Variants in KREMEN1 observed in about 807,000 individuals in gnomAD.
KREMEN1 encodes the protein kringle containing transmembrane protein 1.
KREMEN1 carries 30 observed loss-of-function variants against 46.5 expected under a neutral mutation model. The ratio of observed to expected loss-of-function variants is 0.65; its 90% CI spans 0.48 to 0.88. The LOEUF (loss-of-function observed/expected upper bound fraction) is 0.88. Ranked by LOEUF, KREMEN1 falls within the 40% of genes least tolerant of loss-of-function variation. KREMEN1 has a pLI of 0.00. For missense variants in KREMEN1, 533 were observed against 596.9 expected, an observed-to-expected ratio of 0.89 and a Z score of 1.11; for synonymous variants, 214 against 230.6, an observed-to-expected ratio of 0.93 and a Z score of 0.65.
At chr22:29,104,113 G>C (rs971759506) in intron 3 of KREMEN1, among the ~76,000 whole-genome samples, 8 of 151,194 alleles carry the variant, frequency 5.3e-5, no homozygotes, top group Non-Finnish European at 2.9e-5. Context: ...ACAGCATTCT[G>C]AGTATCTAGA....
At chr22:29,078,529 T>C (rs1456781342) in intron 1 of KREMEN1, among the ~76,000 whole-genome samples, 2 of 151,964 alleles carry the variant, frequency 1.3e-5, no homozygotes, top group African/African-American at 4.8e-5. Flanking sequence ...TTCTATGACT[T>C]TCCTAACCAG....
chr22:29,128,771 G>T (rs1028156977), intron 5 of KREMEN1, among the ~76,000 whole-genome samples: 11 of 152,172 alleles, frequency 7.2e-5, no homozygotes, highest in African/African-American at 2.2e-4. Flanking sequence ...GAAAACTGTG[G>T]ATCAAAAGAT....
chr22:29,087,031 G>C (rs1430019493), intron 1 of KREMEN1, among the ~76,000 whole-genome samples: 1 of 152,004 alleles, frequency 6.6e-6, no homozygotes, highest in Non-Finnish European at 1.5e-5. Context: ...CCAAAGTTCT[G>C]GGATTACAGG....
At chr22:29,141,253 GCA>G (rs2038756800) in intron 8 of KREMEN1, among the ~76,000 whole-genome samples, 4 of 143,940 alleles carry the variant, frequency 2.8e-5, no homozygotes, top group African/African-American at 7.7e-5. Flanking sequence ...GTGTGTGTCT[GCA>G]TGTGCATGTG....
At chr22:29,126,158 G>A (rs1017262077) in intron 5 of KREMEN1, among the ~76,000 whole-genome samples, 6 of 151,050 alleles carry the variant, frequency 4.0e-5, no homozygotes, top group Non-Finnish European at 7.4e-5. Flanking sequence ...ATATTGTAGT[G>A]TCTGTGGTGT....
At chr22:29,167,106 A>G (rs1386979535) in exon 10 of KREMEN1, 1 of 1,551,194 alleles carries the variant, frequency 6.4e-7, no homozygotes, top group East Asian at 2.4e-5. Context: ...GAAGTATCTG[A>G]CTGTAGACAC....
rs71313000 is a variant in KREMEN1, at chr22:29,080,941, C to CTT, written c.97+7734_97+7735dup. Among the ~76,000 whole-genome samples the CTT allele has an allele frequency of 8.9e-3, 1,000 of 112,150 alleles. 13 individuals carry two copies. Among genetic ancestry groups the CTT allele is most frequent in the African/African-American group, 0.033 (942 of 28,370 alleles). 73.6% of individuals were successfully genotyped at this position (112,150 alleles called of 152,430 possible). On this transcript the variant is annotated intron_variant, in intron 1 of 8. Transcript: ENST00000400335. ...GTCCTGATTGTATTATTTTTTTGTC[C>CTT]TTTTTTTTTTTTTTTTTTTTTAGCG... is the stretch of plus-strand genomic sequence containing the variant.
At chr22:29,162,070 T>C (rs1019464789) in intron 9 of KREMEN1, among the ~76,000 whole-genome samples, 1 of 151,652 alleles carries the variant, frequency 6.6e-6, no homozygotes, top group Non-Finnish European at 1.5e-5. Flanking sequence ...TGAGCCGAGA[T>C]TGTGTCACTG....
At chr22:29,121,100 T>TG (rs1274825963) in intron 3 of KREMEN1, among the ~76,000 whole-genome samples, 1 of 119,086 alleles carries the variant, frequency 8.4e-6, no homozygotes, top group East Asian at 4.2e-4. Flanking sequence ...ATTAAACAGT[T>TG]TTTTTTTTTT....
chr22:29,161,126 T>C (rs553776656), intron 9 of KREMEN1, among the ~76,000 whole-genome samples: 2 of 152,110 alleles, frequency 1.3e-5, no homozygotes, highest in Non-Finnish European at 2.9e-5. Context: ...CTAGAGGCAA[T>C]AGATAAATTC....
chr22:29,117,082 A>AAGGGT (rs1362776309), intron 3 of KREMEN1, among the ~76,000 whole-genome samples: 90 of 152,342 alleles, frequency 5.9e-4, no homozygotes, highest in African/African-American at 2.0e-3. Context: ...TTGGGTTAAC[A>AAGGGT]GAGGTACTTC....
chr22:29,130,877 C>T (rs959396315), intron 5 of KREMEN1, among the ~76,000 whole-genome samples: 1 of 152,186 alleles, frequency 6.6e-6, no homozygotes, highest in African/African-American at 2.4e-5. Context: ...AAAATAAGGT[C>T]TTGACTACTA....
At chr22:29,140,199 TACTC>T in intron 7 of KREMEN1, 79 bp from the exon 8 acceptor site, 1 of 1,029,986 alleles carries the variant, frequency 9.7e-7, no homozygotes, top group Non-Finnish European at 1.5e-6. Flanking sequence ...CAGCCAGACT[TACTC>T]ACTTGGGTAT....
intron 5 of KREMEN1, among the ~76,000 whole-genome samples, chr22:29,134,298 C>A (rs946430508): frequency 1.3e-5 from 2 of 152,094 alleles, no homozygotes; most frequent in African/African-American, 2.4e-5. Flanking sequence ...GCTGGGACTG[C>A]AGGCACACAC....
At chr22:29,079,733 T>C (rs112614509) in intron 1 of KREMEN1, among the ~76,000 whole-genome samples, 121 of 152,348 alleles carry the variant, frequency 7.9e-4, no homozygotes, top group African/African-American at 2.7e-3. Flanking sequence ...GCGTGTATGA[T>C]TGACTCTGCG....
intron 1 of KREMEN1, among the ~76,000 whole-genome samples, chr22:29,074,100 C>T (rs1440246143): frequency 6.6e-6 from 1 of 152,224 alleles, no homozygotes; most frequent in Non-Finnish European, 1.5e-5. Flanking sequence ...TTCCCGAGTC[C>T]TCGGCTGCAC....
Position 29,144,451 on chromosome 22 carries a change from A to G in KREMEN1, c.*2339A>G. The G allele has an allele frequency of 1.0e-6, 1 of 985,590 alleles. No individual in the cohort carries two copies. The allele number at this position is 985,590 out of a possible 1,614,324, so 61.1% of individuals were successfully genotyped here. On this transcript the variant is annotated 3_prime_UTR_variant, in exon 9 of 9. Coordinates refer to ENST00000400335, the MANE Select transcript of KREMEN1 (RefSeq NM_001039570.3). Reference sequence around the variant, plus strand: ...CCCGTGGGAGGCCTGCTGAGGGCACAGAGCTGCTCGGTGCAGCCTTCATGC... The same window carrying G: ...CCCGTGGGAGGCCTGCTGAGGGCACGGAGCTGCTCGGTGCAGCCTTCATGC...
At chr22:29,074,473 CTT>C (rs995277503) in intron 1 of KREMEN1, among the ~76,000 whole-genome samples, 9 of 152,258 alleles carry the variant, frequency 5.9e-5, no homozygotes, top group African/African-American at 2.2e-4. Flanking sequence ...TGAAGCTTGG[CTT>C]TTGCTTAACT....
At chr22:29,103,746 A>G (rs908851401) in intron 3 of KREMEN1, among the ~76,000 whole-genome samples, 3 of 152,232 alleles carry the variant, frequency 2.0e-5, no homozygotes, top group Admixed American at 1.3e-4. Flanking sequence ...TCTTTGAAAT[A>G]GGGACATTTG....
Sources: allele counts gnomAD v4.1 joint callset (sites outside exome capture counted in the v4.1 genomes callset), GRCh38; gene constraint gnomAD v4.1.1; transcripts MANE v1.5; gene names NCBI Gene and HGNC (gene_info 2026-07-23, HGNC 2026-07-21).